EFNA5: variants seen among roughly 807,000 people sequenced by gnomAD.
EFNA5 encodes ephrin-A5.
In EFNA5, 5 loss-of-function variants were observed where a neutral mutation model predicts 22.9. The observed-to-expected ratio is 0.22, with a 90% confidence interval of 0.11 to 0.46. The LOEUF (loss-of-function observed/expected upper bound fraction) is 0.46. Ranked by LOEUF, EFNA5 falls within the 20% of genes least tolerant of loss-of-function variation. The pLI is 0.99. For synonymous variants in EFNA5, 113 were observed against 112.2 expected, an observed-to-expected ratio of 1.01 and a Z score of -0.04; for missense variants, 237 against 293.3, an observed-to-expected ratio of 0.81 and a Z score of 1.40.
intron 1 of EFNA5, among the ~76,000 whole-genome samples, chr5:107,600,883 G>C (rs908604136): frequency 2.0e-5 from 3 of 152,128 alleles, no homozygotes; most frequent in Non-Finnish European, 4.4e-5. Context: ...CTGAGGACAG[G>C]TTAGAGGAGA....
intron 1 of EFNA5, among the ~76,000 whole-genome samples, chr5:107,469,450 G>A (rs1384978274): frequency 6.6e-6 from 1 of 151,750 alleles, no homozygotes; most frequent in Non-Finnish European, 1.5e-5. Context: ...TTCCTGCTGC[G>A]GAGCTAAGCC....
intron 1 of EFNA5, among the ~76,000 whole-genome samples, chr5:107,488,113 G>A (rs1194963067): frequency 6.6e-6 from 1 of 152,194 alleles, no homozygotes; most frequent in African/African-American, 2.4e-5. Context: ...TTGAGAGGAA[G>A]ATTTGCTTTT....
At chr5:107,623,027 CAAAAAAA>C (rs61689503) in intron 1 of EFNA5, among the ~76,000 whole-genome samples, 4 of 29,900 alleles carry the variant, frequency 1.3e-4, no homozygotes, top group African/African-American at 5.5e-4. Flanking sequence ...GACTCCGTCT[CAAAAAAA>C]AAAAAAAAAA....
At position 107,399,940 on chromosome 5, in the gene EFNA5, C is replaced by T. The variant is rs184139511; in HGVS notation, c.419-12169G>A. 3.3e-5 allele frequency among the ~76,000 whole-genome samples: 5 copies of T among 152,204 alleles called. No homozygotes were observed. The East Asian group carries it at 5.8e-4, about 18-fold the overall frequency. On this transcript the variant is annotated intron_variant, in intron 2 of 4. Coordinates refer to ENST00000333274, the MANE Select transcript of EFNA5 (RefSeq NM_001962.3). ...AATTTAAAATATATAATGGAAAAAT[C>T]GACTTAGATTTGTGACTAAGTGAAA...
At chr5:107,660,845 C>A (rs1580587989) in intron 1 of EFNA5, among the ~76,000 whole-genome samples, 1 of 152,080 alleles carries the variant, frequency 6.6e-6, no homozygotes, top group African/African-American at 2.4e-5. Flanking sequence ...TGACACAAAA[C>A]CCTGTCAGAA....
At chr5:107,402,990 C>T (rs2112391305) in intron 2 of EFNA5, among the ~76,000 whole-genome samples, 1 of 152,292 alleles carries the variant, frequency 6.6e-6, no homozygotes, top group South Asian at 2.1e-4. Flanking sequence ...CATTTCAATT[C>T]CCTGCAGTGT....
intron 2 of EFNA5, among the ~76,000 whole-genome samples, chr5:107,404,979 C>A (rs74947430): frequency 1.3e-5 from 2 of 152,114 alleles, no homozygotes; most frequent in African/African-American, 4.8e-5. Context: ...CTGTAACTGT[C>A]GTACTCCTTT....
chr5:107,668,350 T>C (rs1033118386), intron 1 of EFNA5, among the ~76,000 whole-genome samples: 1 of 152,154 alleles, frequency 6.6e-6, no homozygotes, highest in African/African-American at 2.4e-5. Flanking sequence ...GCAGGGCAGA[T>C]CTATTAAAAA....
intron 1 of EFNA5, among the ~76,000 whole-genome samples, chr5:107,636,559 GTTTGA>G (rs1474340556): frequency 2.0e-5 from 3 of 152,202 alleles, no homozygotes; most frequent in African/African-American, 7.2e-5. Flanking sequence ...TGAAAGATGT[GTTTGA>G]TTTATCTGTT....
intron 1 of EFNA5, among the ~76,000 whole-genome samples, chr5:107,436,755 C>A (rs372825481): frequency 3.3e-5 from 5 of 152,138 alleles, no homozygotes; most frequent in African/African-American, 9.6e-5. Context: ...CCAAGGAGAA[C>A]AGGATTAAAC....
At chr5:107,443,922 C>T (rs1021794167) in intron 1 of EFNA5, among the ~76,000 whole-genome samples, 1 of 152,102 alleles carries the variant, frequency 6.6e-6, no homozygotes, top group Non-Finnish European at 1.5e-5. Context: ...ATGTAAAGTA[C>T]ACTTGAAATG....
chr5:107,567,370 T>C (rs1235551495), intron 1 of EFNA5, among the ~76,000 whole-genome samples: 1 of 152,216 alleles, frequency 6.6e-6, no homozygotes, highest in African/African-American at 2.4e-5. Flanking sequence ...TCAACAACCC[T>C]GGCTTCCAGT....
intron 1 of EFNA5, among the ~76,000 whole-genome samples, chr5:107,661,062 C>A (rs371049765): frequency 3.4e-5 from 5 of 149,092 alleles, no homozygotes; most frequent in African/African-American, 1.2e-4. Flanking sequence ...GATTGCAGAG[C>A]AGAGGCTAAA....
chr5:107,571,566 C>T (rs1748805866), intron 1 of EFNA5, among the ~76,000 whole-genome samples: 2 of 150,778 alleles, frequency 1.3e-5, no homozygotes, highest in Non-Finnish European at 2.9e-5. Context: ...GAATAAAATG[C>T]TAATGGCATA....
chr5:107,466,357 CTT>C lies in EFNA5; in HGVS notation c.126-38850_126-38849del, dbSNP rs1304061291. 2.0e-5 allele frequency among the ~76,000 whole-genome samples: 3 copies of C among 152,176 alleles called. No homozygotes were observed. The South Asian group carries it at 6.2e-4, about 32-fold the overall frequency. On this transcript the variant is annotated intron_variant, in intron 1 of 4. Coordinates refer to ENST00000333274, the MANE Select transcript of EFNA5 (RefSeq NM_001962.3). Reference sequence around the variant, plus strand: ...CATCCTCCCTGCCCAGTCAGCTAGGCTTGGAGAAAGATAGCTCAAGCAGAGCC... The same window carrying C: ...CATCCTCCCTGCCCAGTCAGCTAGGCGGAGAAAGATAGCTCAAGCAGAGCC...
Position 107,468,720 on chromosome 5 carries a change from CATTA to C in EFNA5, c.126-41215_126-41212del, listed in dbSNP as rs758950732. On this transcript the variant is annotated intron_variant, in intron 1 of 4. Coordinates refer to ENST00000333274, the MANE Select transcript of EFNA5 (RefSeq NM_001962.3). ...ACATTAAAACTCATGAAATTAAACT[CATTA>C]ATTAATTCTTTGTGTTTTCTTAACA... Among the ~76,000 whole-genome samples, 5 of 151,962 alleles carry C rather than the reference CATTA, an allele frequency of 3.3e-5. No individual in the cohort carries two copies. In the East Asian group the frequency reaches 5.8e-4, roughly 18 times the overall value.
chr5:107,556,564 G>C (rs1335419966), intron 1 of EFNA5, among the ~76,000 whole-genome samples: 9 of 151,896 alleles, frequency 5.9e-5, no homozygotes, highest in Admixed American at 5.9e-4. Flanking sequence ...TGGACAACAT[G>C]ATGAAACCCC....
In EFNA5 at chr5:107,435,315, C is replaced by CTTTTTTTTT. The variant is rs3999107; in HGVS notation, c.126-7815_126-7807dup. On this transcript the variant is annotated intron_variant, in intron 1 of 4. Transcript: ENST00000333274. ...TTCCTATTCTAAATCTGAAGATGCT[C>CTTTTTTTTT]TTTTTTTTTTTTTTTTTTTTTTGCT... 4.7e-3 allele frequency among the ~76,000 whole-genome samples: 490 copies of CTTTTTTTTT among 104,540 alleles called. 4 individuals carry two copies. The highest frequency in any genetic ancestry group is 7.8e-3 in the African/African-American group (197 of 25,126). 68.6% of individuals were successfully genotyped at this position (104,540 alleles called of 152,430 possible). A position where few individuals can be genotyped will look rare whatever the true frequency, so the allele number is the denominator to read the frequency against.
intron 1 of EFNA5, among the ~76,000 whole-genome samples, chr5:107,545,053 G>A (rs1038786354): frequency 2.0e-5 from 3 of 152,164 alleles, no homozygotes; most frequent in Admixed American, 1.3e-4. Flanking sequence ...ACATCTAAAA[G>A]GTGAATGACA....
Sources: allele counts gnomAD v4.1 joint callset (sites outside exome capture counted in the v4.1 genomes callset), GRCh38; gene constraint gnomAD v4.1.1; transcripts MANE v1.5; gene names NCBI Gene and HGNC (gene_info 2026-07-23, HGNC 2026-07-21).